Variants in TPST1 observed in about 807,000 individuals in gnomAD.
The protein encoded by TPST1 is protein-tyrosine sulfotransferase 1.
TPST1 carries 20 observed loss-of-function variants against 34.8 expected under a neutral mutation model. The ratio of observed to expected loss-of-function variants is 0.57; its 90% CI spans 0.40 to 0.84. TPST1 has a LOEUF of 0.84. Ranked by LOEUF, TPST1 falls within the 40% of genes least tolerant of loss-of-function variation. TPST1 has a pLI of 0.00. For missense variants in TPST1, 353 were observed against 455.5 expected (o/e 0.78, Z 2.05); for synonymous variants, 152 against 159.4 (o/e 0.95, Z 0.35).
intron 3 of TPST1, among the ~76,000 whole-genome samples, chr7:66,295,310 T>C (rs7781880): frequency 0.65 from 98,222 of 151,946 alleles, 32,094 homozygotes; most frequent in African/African-American, 0.74. Context: ...GCCTGGACAA[T>C]GTGGCAAAAC....
rs572578123 is a variant in TPST1, at chr7:66,248,730, G to A, written c.845+7460G>A. On this transcript the variant is annotated intron_variant, in intron 2 of 5. Coordinates refer to ENST00000304842, the MANE Select transcript of TPST1 (RefSeq NM_003596.4). The stretch of plus-strand genomic sequence containing the variant: ...GGGTTTCACCATGTTAGCCAGGATG[G>A]CCTTGATCTCCTGACCTCATGATCC... 1.8e-4 allele frequency among the ~76,000 whole-genome samples: 27 copies of A among 152,050 alleles called. No individual in the cohort carries two copies. In the South Asian group the frequency reaches 5.4e-3, roughly 30 times the overall value.
At chr7:66,271,179 G>C (rs1354163235) in intron 2 of TPST1, among the ~76,000 whole-genome samples, 1 of 151,950 alleles carries the variant, frequency 6.6e-6, no homozygotes, top group African/African-American at 2.4e-5. Flanking sequence ...CTGGCCACTA[G>C]ATGCTTCTAC....
intron 3 of TPST1, among the ~76,000 whole-genome samples, chr7:66,346,357 C>G (rs903870413): frequency 6.6e-5 from 10 of 152,122 alleles, no homozygotes; most frequent in Non-Finnish European, 1.5e-4. Flanking sequence ...AGTGGGATTG[C>G]TAGATCATAT....
chr7:66,276,790 T>G (rs555839730), intron 2 of TPST1, among the ~76,000 whole-genome samples: 38 of 152,104 alleles, frequency 2.5e-4, no homozygotes, highest in Non-Finnish European at 4.9e-4. Flanking sequence ...AAGTTACAAT[T>G]TTAATGTTTT....
At chr7:66,219,226 A>G (rs951223155) in intron 1 of TPST1, among the ~76,000 whole-genome samples, 5 of 152,038 alleles carry the variant, frequency 3.3e-5, no homozygotes, top group African/African-American at 1.2e-4. Context: ...CAAATATTTG[A>G]TGCCCAGCTT....
At chr7:66,239,209 G>A (rs138765462) in intron 1 of TPST1, among the ~76,000 whole-genome samples, 209 of 152,210 alleles carry the variant, frequency 1.4e-3, no homozygotes, top group African/African-American at 4.9e-3. Flanking sequence ...TCGAACTCCT[G>A]AGCTCAAATG....
chr7:66,319,302 G>T (rs947916488), intron 3 of TPST1, among the ~76,000 whole-genome samples: 1 of 152,044 alleles, frequency 6.6e-6, no homozygotes, highest in Non-Finnish European at 1.5e-5. Context: ...TAGATCAATT[G>T]TCTGATTCAC....
intron 5 of TPST1, chr7:66,359,414 G>A (rs1223435480): frequency 6.6e-6 from 1 of 150,970 alleles, no homozygotes; most frequent in East Asian, 2.0e-4. Flanking sequence ...AGGAATCAGG[G>A]TGCTGCCCCC....
intron 5 of TPST1, 87 bp downstream of exon 5, chr7:66,356,958 T>A: frequency 7.5e-7 from 1 of 1,340,392 alleles, no homozygotes; most frequent in Non-Finnish European, 1.1e-6. Context: ...AGAGCACAGC[T>A]CTGGAGTCCG....
intron 2 of TPST1, among the ~76,000 whole-genome samples, chr7:66,243,835 G>A (rs1238610784): frequency 6.6e-6 from 1 of 151,692 alleles, no homozygotes; most frequent in Non-Finnish European, 1.5e-5. Flanking sequence ...TTATTACATA[G>A]TGCCAAGTTG....
intron 1 of TPST1, among the ~76,000 whole-genome samples, chr7:66,216,613 G>A (rs1446791041): frequency 6.6e-6 from 1 of 152,072 alleles, no homozygotes; most frequent in Non-Finnish European, 1.5e-5. Flanking sequence ...GGGATTACAG[G>A]TGCCTGCCAC....
chr7:66,243,395 A>G (rs537739666), intron 2 of TPST1, among the ~76,000 whole-genome samples: 12 of 152,236 alleles, frequency 7.9e-5, no homozygotes, highest in African/African-American at 2.2e-4. Flanking sequence ...CAGAATTCCA[A>G]TATAAAACAA....
intron 3 of TPST1, among the ~76,000 whole-genome samples, chr7:66,351,713 CT>C (rs1243894811): frequency 6.8e-6 from 1 of 146,626 alleles, no homozygotes; most frequent in African/African-American, 2.5e-5. Flanking sequence ...ATTGGGAATT[CT>C]TTGAGGAGAA....
rs1792360860 is a variant in TPST1 at position 66,346,811 on chromosome 7, T to C, written c.1045-5694T>C. Among the ~76,000 whole-genome samples the C allele has an allele frequency of 2.0e-5, 3 of 152,148 alleles. No homozygotes were observed. In the South Asian group the frequency reaches 6.2e-4, roughly 31 times the overall value. On this transcript the variant is annotated intron_variant, in intron 3 of 5. Transcript: ENST00000304842. ...TTTGTTGATTGTATCCTTTGCTGCA[T>C]AGAAGTTTTTACACTTGGCATGATC... is the stretch of plus-strand genomic sequence containing the variant.
intron 3 of TPST1, among the ~76,000 whole-genome samples, chr7:66,335,906 G>A (rs1792109201): frequency 6.6e-6 from 1 of 152,170 alleles, no homozygotes; most frequent in Non-Finnish European, 1.5e-5. Flanking sequence ...TGAAAACTTA[G>A]GGAAATATGA....
intron 3 of TPST1, among the ~76,000 whole-genome samples, chr7:66,315,849 G>A (rs1418464161): frequency 6.6e-6 from 1 of 152,088 alleles, no homozygotes; most frequent in African/African-American, 2.4e-5. Flanking sequence ...GGTAGCACAC[G>A]CCTGTAATCC....
At chr7:66,351,031 A>T (rs1321379577) in intron 3 of TPST1, among the ~76,000 whole-genome samples, 1 of 152,176 alleles carries the variant, frequency 6.6e-6, no homozygotes, top group Non-Finnish European at 1.5e-5. Context: ...ATCACTACTG[A>T]TATCAAGACA....
At chr7:66,239,571 A>G (rs908061272) in intron 1 of TPST1, among the ~76,000 whole-genome samples, 1 of 152,168 alleles carries the variant, frequency 6.6e-6, no homozygotes, top group South Asian at 2.1e-4. Flanking sequence ...AAGTTGTTTC[A>G]TATTTCTTCT....
At chr7:66,225,224 G>A (rs115319031) in intron 1 of TPST1, among the ~76,000 whole-genome samples, 1,587 of 151,862 alleles carry the variant, frequency 0.01, 26 homozygotes, top group African/African-American at 0.037. Context: ...GCCCATTCTG[G>A]TATTCTTTTT....
Sources: allele counts gnomAD v4.1 joint callset (sites outside exome capture counted in the v4.1 genomes callset), GRCh38; gene constraint gnomAD v4.1.1; transcripts MANE v1.5; gene names NCBI Gene and HGNC (gene_info 2026-07-23, HGNC 2026-07-21).